GRM8: variants seen among roughly 807,000 people sequenced by gnomAD.
The protein encoded by GRM8 is glutamate metabotropic receptor 8, also known as metabotropic glutamate receptor 8.
GRM8 carries 47 observed loss-of-function variants against 87.2 expected under a neutral mutation model. The observed-to-expected ratio is 0.54, with a 90% confidence interval of 0.43 to 0.69. The LOEUF (loss-of-function observed/expected upper bound fraction) is 0.69, where lower values mean the gene tolerates loss of function less well. Ranked by LOEUF, GRM8 falls within the 30% of genes least tolerant of loss-of-function variation. GRM8 has a pLI of 0.00. For missense variants in GRM8, 1,019 were observed against 1,139.2 expected, an observed-to-expected ratio of 0.89 and a Z score of 1.52; for synonymous variants, 396 against 404.5, an observed-to-expected ratio of 0.98 and a Z score of 0.25.
At chr7:126,600,874 G>A (rs866508199) in intron 8 of GRM8, among the ~76,000 whole-genome samples, 12 of 152,132 alleles carry the variant, frequency 7.9e-5, no homozygotes, top group Non-Finnish European at 1.6e-4. Flanking sequence ...TTGTTGCAAG[G>A]AAAGGAAACA....
intron 3 of GRM8, among the ~76,000 whole-genome samples, chr7:126,939,539 G>A (rs1041506200): frequency 8.5e-5 from 13 of 152,162 alleles, no homozygotes; most frequent in African/African-American, 3.1e-4. Flanking sequence ...TCAGATAATG[G>A]ATGACGGAAA....
At chr7:126,611,517 G>T (rs1378821352) in intron 7 of GRM8, among the ~76,000 whole-genome samples, 1 of 152,170 alleles carries the variant, frequency 6.6e-6, no homozygotes, top group Admixed American at 6.5e-5. Flanking sequence ...GATATTTCTG[G>T]CTGGAAAAAC....
At chr7:126,506,132 C>T (rs1480474929) in intron 9 of GRM8, among the ~76,000 whole-genome samples, 1 of 151,968 alleles carries the variant, frequency 6.6e-6, no homozygotes, top group African/African-American at 2.4e-5. Context: ...GCATAGTATC[C>T]TCCAGGTTCA....
chr7:127,118,159 C>T (rs1225550694), intron 2 of GRM8: 1 of 152,182 alleles, frequency 6.6e-6, no homozygotes, highest in African/African-American at 2.4e-5. Context: ...AGTTAGTAAA[C>T]TTAGTAGATT....
At position 126,611,161 on chromosome 7, in the gene GRM8, C is replaced by A. The variant is rs528842768; in HGVS notation, c.1358-1663G>T. Among the ~76,000 whole-genome samples the A allele has an allele frequency of 5.9e-5, 9 of 152,248 alleles. No individual in the cohort carries two copies. The South Asian group carries it at 1.9e-3, about 32-fold the overall frequency. On this transcript the variant is annotated intron_variant, in intron 7 of 10. Coordinates refer to ENST00000339582, the MANE Select transcript of GRM8 (RefSeq NM_000845.3). ...TTACTCAGGGAATAAAATAAGAGCTCTCCAATCAAGCAGTACTATCTTAGC... is the reference window on the plus strand; with the variant it reads ...TTACTCAGGGAATAAAATAAGAGCTATCCAATCAAGCAGTACTATCTTAGC...
intron 9 of GRM8, among the ~76,000 whole-genome samples, chr7:126,456,044 A>T (rs12706732): frequency 0.57 from 85,683 of 151,502 alleles, 24,466 homozygotes; most frequent in Middle Eastern, 0.74. Flanking sequence ...ATATAAGCTA[A>T]CATTTTAATC....
intron 9 of GRM8, among the ~76,000 whole-genome samples, chr7:126,526,062 T>A (rs184336444): frequency 4.0e-4 from 61 of 152,190 alleles, no homozygotes; most frequent in East Asian, 3.9e-3. Context: ...ACATAAAAAA[T>A]ATATATATAT....
At chr7:127,170,260 C>G (rs554501108) in intron 2 of GRM8, among the ~76,000 whole-genome samples, 1 of 152,118 alleles carries the variant, frequency 6.6e-6, no homozygotes, top group Non-Finnish European at 1.5e-5. Context: ...CACTAATGAT[C>G]AGGGAAATGC....
At chr7:126,903,043 C>T (rs1230029594) in intron 5 of GRM8, among the ~76,000 whole-genome samples, 1 of 152,182 alleles carries the variant, frequency 6.6e-6, no homozygotes, top group Non-Finnish European at 1.5e-5. Flanking sequence ...AAACTTGCCT[C>T]ATTCTTTTCT....
chr7:126,801,452 A>G (rs1336477036), intron 6 of GRM8, among the ~76,000 whole-genome samples: 7 of 152,234 alleles, frequency 4.6e-5, no homozygotes, highest in African/African-American at 1.7e-4. Flanking sequence ...ATCAGAAACA[A>G]CAAGTTTAAT....
intron 6 of GRM8, among the ~76,000 whole-genome samples, chr7:126,896,050 G>C (rs1801514093): frequency 6.7e-6 from 1 of 149,958 alleles, no homozygotes; most frequent in South Asian, 2.1e-4. Flanking sequence ...AAAGAAACCA[G>C]GATCCTGGCT....
intron 7 of GRM8, among the ~76,000 whole-genome samples, chr7:126,698,782 G>A (rs1241170301): frequency 2.6e-5 from 4 of 152,150 alleles, no homozygotes; most frequent in Non-Finnish European, 5.9e-5. Context: ...AATAGAGCTT[G>A]TTGGGGTGCC....
chr7:126,713,487 C>G (rs1811350475), intron 7 of GRM8, among the ~76,000 whole-genome samples: 1 of 152,028 alleles, frequency 6.6e-6, no homozygotes, highest in African/African-American at 2.4e-5. Flanking sequence ...GGACAAACAC[C>G]TAATGCATGC....
rs372219560 is a variant in GRM8, at chr7:127,037,832, C to CATGT, written c.727+68663_727+68664insACAT. Among the ~76,000 whole-genome samples, 336 of 147,426 alleles carry CATGT rather than the reference C, an allele frequency of 2.3e-3. 3 individuals are homozygous for CATGT. The highest frequency in any genetic ancestry group is 8.1e-3 in the African/African-American group (322 of 39,918). ...ATGTGCATGCACGTGCATGCGCATC[C>CATGT]GTGTGTGTGTGTGTGTGTGTGTGTG... On this transcript the variant is annotated intron_variant, in intron 3 of 10. Coordinates refer to ENST00000339582, the MANE Select transcript of GRM8 (RefSeq NM_000845.3).
At chr7:126,842,839 C>A (rs562469496) in intron 6 of GRM8, among the ~76,000 whole-genome samples, 3 of 152,284 alleles carry the variant, frequency 2.0e-5, no homozygotes. Context: ...CTGCTGACAC[C>A]TTGATTTTCA....
chr7:127,069,474 A>G (rs17861403), intron 3 of GRM8, among the ~76,000 whole-genome samples: 1 of 135,750 alleles, frequency 7.4e-6, no homozygotes. Context: ...AATAACAAAT[A>G]TTTTAATTTA....
intron 6 of GRM8, among the ~76,000 whole-genome samples, chr7:126,846,542 TGGTAA>T (rs1157806739): frequency 1.3e-5 from 2 of 152,240 alleles, no homozygotes; most frequent in African/African-American, 4.8e-5. Context: ...ATGAGTTTTC[TGGTAA>T]GCACAGAACT....
chr7:127,204,111 A>T (rs1372049232), intron 2 of GRM8, among the ~76,000 whole-genome samples: 2 of 147,128 alleles, frequency 1.4e-5, no homozygotes, highest in Middle Eastern at 3.3e-3. Flanking sequence ...CCATGCAGTT[A>T]ATGTACACAA....
At chr7:126,557,838 C>T (rs1793311835) in intron 8 of GRM8, among the ~76,000 whole-genome samples, 3 of 151,802 alleles carry the variant, frequency 2.0e-5, no homozygotes, top group African/African-American at 7.3e-5. Context: ...TATATATATA[C>T]ACTATATATA....
Sources: gnomAD v4.1 joint callset for allele counts (sites outside exome capture counted in the v4.1 genomes callset) on GRCh38, gnomAD v4.1.1 for gene constraint, MANE v1.5 for transcripts, NCBI Gene and HGNC (gene_info 2026-07-23, HGNC 2026-07-21) for gene names.